PARD3B: variants seen among roughly 807,000 people sequenced by gnomAD.
The protein encoded by PARD3B is par-3 family cell polarity regulator beta.
PARD3B carries 103 observed loss-of-function variants against 130.2 expected under a neutral mutation model. The observed-to-expected ratio is 0.79, with a 90% CI of 0.67 to 0.93. The LOEUF (loss-of-function observed/expected upper bound fraction) is 0.93. PARD3B is among the 40% of genes least tolerant of loss of function. The pLI is 0.00. For synonymous variants in PARD3B, 583 were observed against 553.2 expected, an observed-to-expected ratio of 1.05 and a Z score of -0.76; for missense variants, 1,609 against 1,499.2, an observed-to-expected ratio of 1.07 and a Z score of -1.21.
At chr2:204,701,940 T>C (rs1048819724) in intron 2 of PARD3B, among the ~76,000 whole-genome samples, 8 of 152,118 alleles carry the variant, frequency 5.3e-5, no homozygotes, top group Non-Finnish European at 8.8e-5. Flanking sequence ...TTGCCATCTT[T>C]ATGTCCATGA....
intron 16 of PARD3B, chr2:205,293,736 A>G (rs935302433): frequency 2.0e-5 from 3 of 152,222 alleles, no homozygotes; most frequent in Admixed American, 2.0e-4. Context: ...GAGGAAGTGA[A>G]GCAATTGTGG....
chr2:205,449,339 C>T (rs1012427901), intron 20 of PARD3B, among the ~76,000 whole-genome samples: 1 of 151,350 alleles, frequency 6.6e-6, no homozygotes, highest in African/African-American at 2.4e-5. Flanking sequence ...AAGTGATTCT[C>T]CTGCCTCAGC....
chr2:205,514,115 T>G (rs1286376285), intron 21 of PARD3B, among the ~76,000 whole-genome samples: 1 of 152,162 alleles, frequency 6.6e-6, no homozygotes, highest in Non-Finnish European at 1.5e-5. Flanking sequence ...CATTTCTGCA[T>G]CACACTGTCC....
rs1056382837 is a variant in PARD3B, at chr2:205,550,280, C to T, written c.3181-3044C>T. ...AGGTGGACTTTGGAATTTCTTCCTG[C>T]GGACTCCCACTGCCTCCTTCCTCAG... On this transcript the variant is annotated intron_variant, in intron 21 of 22. Transcript: ENST00000406610. The surrounding 1 kb of genome is among the most constrained non-coding windows in gnomAD (Gnocchi z 4.5). Among the ~76,000 whole-genome samples, 6 of 152,130 alleles carry T rather than the reference C, an allele frequency of 3.9e-5. No individual in the cohort carries two copies. Among genetic ancestry groups the T allele is most frequent in the African/African-American group, 1.4e-4 (6 of 41,420 alleles).
At chr2:204,739,688 C>T (rs528492974) in intron 2 of PARD3B, among the ~76,000 whole-genome samples, 1 of 152,060 alleles carries the variant, frequency 6.6e-6, no homozygotes, top group East Asian at 1.9e-4. Flanking sequence ...GGTCTCAAAT[C>T]CCTGGCCTCA....
chr2:205,566,013 G>A (rs2053318573), intron 22 of PARD3B, among the ~76,000 whole-genome samples: 1 of 152,062 alleles, frequency 6.6e-6, no homozygotes, highest in Non-Finnish European at 1.5e-5. Context: ...TCTGAAGGAG[G>A]TTTAAGACAA....
rs905094373 is a variant in PARD3B at position 205,599,856 on chromosome 2, T to G, written c.3261-15600T>G. Among the ~76,000 whole-genome samples, 41 of 152,158 alleles carry G rather than the reference T, an allele frequency of 2.7e-4. 1 individual carries two copies. The highest frequency in any genetic ancestry group is 5.9e-5 in the Non-Finnish European group (4 of 68,026). On this transcript the variant is annotated intron_variant, in intron 22 of 22. Coordinates refer to ENST00000406610, the MANE Select transcript of PARD3B (RefSeq NM_001302769.2). ...GCCCGACTTACAGTTTTGGCTCTAT[T>G]TTACCTACATGGTAACTTTATTCTG... is the stretch of plus-strand genomic sequence containing the variant.
At chr2:204,583,598 A>G (rs2032682850) in intron 1 of PARD3B, among the ~76,000 whole-genome samples, 1 of 138,006 alleles carries the variant, frequency 7.2e-6, no homozygotes, top group South Asian at 2.5e-4. Context: ...CACAATGTGC[A>G]CATGTACCCT....
At chr2:204,596,956 C>CTATCTG (rs2033320524) in intron 1 of PARD3B, among the ~76,000 whole-genome samples, 1 of 151,342 alleles carries the variant, frequency 6.6e-6, no homozygotes, top group African/African-American at 2.4e-5. Context: ...CTCTCTCTCT[C>CTATCTG]TCTCTCTATA....
Position 205,294,963 on chromosome 2 carries a change from G to A in PARD3B, c.2186-5567G>A, listed in dbSNP as rs532084353. The stretch of plus-strand genomic sequence containing the variant: ...GCCCATTATGAACACAGTGAACACA[G>A]ATAACATAACTTGGGAAATTATACA... On this transcript the variant is annotated intron_variant, in intron 16 of 22. Transcript: ENST00000406610. Among the ~76,000 whole-genome samples the A allele has an allele frequency of 3.9e-5, 6 of 152,280 alleles. No homozygotes were observed. In the South Asian group the frequency reaches 8.3e-4, roughly 21 times the overall value.
At chr2:205,573,826 A>G (rs1012493595) in intron 22 of PARD3B, among the ~76,000 whole-genome samples, 10 of 152,230 alleles carry the variant, frequency 6.6e-5, no homozygotes, top group African/African-American at 2.4e-4. Flanking sequence ...TGTGAGAAGT[A>G]GAAAACTGCA....
At chr2:205,514,955 C>T (rs2050735043) in intron 21 of PARD3B, among the ~76,000 whole-genome samples, 3 of 151,482 alleles carry the variant, frequency 2.0e-5, no homozygotes, top group Admixed American at 2.0e-4. Flanking sequence ...AGCCCAGTAC[C>T]CAACAGTTAC....
At chr2:204,743,477 G>T (rs1338143043) in intron 2 of PARD3B, among the ~76,000 whole-genome samples, 1 of 152,094 alleles carries the variant, frequency 6.6e-6, no homozygotes, top group Admixed American at 6.6e-5. Flanking sequence ...TTATAAGCCT[G>T]TACACTGTGG....
chr2:205,269,837 C>G lies in PARD3B; in HGVS notation c.2185+24015C>G, dbSNP rs1426500894. Among the ~76,000 whole-genome samples, 1 of 152,140 alleles carries G rather than the reference C, an allele frequency of 6.6e-6. No individual in the cohort carries two copies. The highest frequency in any genetic ancestry group is 1.5e-5 in the Non-Finnish European group (1 of 68,026). On this transcript the variant is annotated intron_variant, in intron 16 of 22. Coordinates refer to ENST00000406610, the MANE Select transcript of PARD3B (RefSeq NM_001302769.2). The surrounding 1 kb of genome is among the most constrained non-coding windows in gnomAD (Gnocchi z 4.7). ...GCATGTATCATAGACTCAGTATTTT[C>G]TAGAGAATTATCTGGATACTCTCAT...
Position 204,765,088 on chromosome 2 carries a change from G to T in PARD3B, c.222+78806G>T, listed in dbSNP as rs189348172. On this transcript the variant is annotated intron_variant, in intron 2 of 22. Transcript: ENST00000406610. ...TTTTAAATAAGCAAGATGGGATTTG[G>T]TTAACTGAGAGAAGAAACTACCTTG... Among the ~76,000 whole-genome samples the T allele has an allele frequency of 2.4e-4, 36 of 152,234 alleles. No individual in the cohort carries two copies. The East Asian group carries it at 6.8e-3, about 29-fold the overall frequency.
intron 2 of PARD3B, among the ~76,000 whole-genome samples, chr2:204,732,861 T>G (rs940573926): frequency 1.3e-5 from 2 of 151,292 alleles, no homozygotes; most frequent in Non-Finnish European, 2.9e-5. Context: ...TAAAAAAGAG[T>G]TTTTCAGTAA....
chr2:205,166,029 T>C (rs1428255892), intron 11 of PARD3B, among the ~76,000 whole-genome samples: 2 of 152,130 alleles, frequency 1.3e-5, no homozygotes, highest in African/African-American at 4.8e-5. Context: ...TTACAATTTG[T>C]AGATGAAACT....
intron 18 of PARD3B, among the ~76,000 whole-genome samples, chr2:205,379,871 C>T (rs1273743676): frequency 6.6e-6 from 1 of 151,282 alleles, no homozygotes; most frequent in Admixed American, 6.6e-5. Context: ...AGACTGAGAC[C>T]ATCTTGGCTA....
chr2:204,569,495 T>C (rs1197218451), intron 1 of PARD3B, among the ~76,000 whole-genome samples: 2 of 152,232 alleles, frequency 1.3e-5, no homozygotes, highest in African/African-American at 2.4e-5. Context: ...TGGCTATTCA[T>C]TGGGGAATGT....
Sources: gnomAD v4.1 joint callset for allele counts (sites outside exome capture counted in the v4.1 genomes callset) on GRCh38, gnomAD v4.1.1 for gene constraint, Gnocchi (gnomAD v3.1) non-coding constraint, MANE v1.5 for transcripts, NCBI Gene and HGNC (gene_info 2026-07-23, HGNC 2026-07-21) for gene names.